RSPH14: variants seen among roughly 807,000 people sequenced by gnomAD.
RSPH14 encodes rhabdoid tumor deletion region gene 1.
Under a neutral mutation model 26.7 loss-of-function variants are expected in RSPH14, and 20 were observed. The observed-to-expected ratio is 0.75, with a 90% CI of 0.53 to 1.09. The LOEUF is 1.09. Among genes scored for constraint, RSPH14 ranks in the 50% least tolerant of loss-of-function variants. The probability of loss-of-function intolerance (pLI) is 0.00; values close to 1 mark genes in which losing one functional copy is unlikely to be tolerated. For missense variants in RSPH14, 449 were observed against 457.2 expected, an observed-to-expected ratio of 0.98 and a Z score of 0.16; for synonymous variants, 177 against 189.3, an observed-to-expected ratio of 0.93 and a Z score of 0.53.
At chr22:23,135,443 G>A (rs984191167) in intron 3 of RSPH14, among the ~76,000 whole-genome samples, 5 of 151,086 alleles carry the variant, frequency 3.3e-5, no homozygotes, top group East Asian at 1.9e-4. Flanking sequence ...AGTGAGCCAA[G>A]AACGCACAAC....
chr22:23,151,896 C>T, the RSPH14 span, among the ~76,000 whole-genome samples: 2 of 152,296 alleles, frequency 1.3e-5, no homozygotes, highest in South Asian at 4.1e-4. Flanking sequence ...TCGGGGTGTG[C>T]CCCTTGGCCT....
chr22:23,172,661 A>T, the RSPH14 span, among the ~76,000 whole-genome samples: 5 of 148,902 alleles, frequency 3.4e-5, no homozygotes, highest in South Asian at 1.1e-3. Flanking sequence ...TCAAAAAAAA[A>T]AAAAAAGACT....
intron 1 of RSPH14, among the ~76,000 whole-genome samples, chr22:23,141,471 T>C (rs1018820483): frequency 2.0e-5 from 3 of 152,138 alleles, no homozygotes; most frequent in Non-Finnish European, 4.4e-5. Flanking sequence ...ACTTCCTCTA[T>C]CTGTGTCTTT....
the RSPH14 span, among the ~76,000 whole-genome samples, chr22:23,165,640 A>G: frequency 2.2e-4 from 33 of 152,352 alleles, 1 homozygote; most frequent in East Asian, 6.0e-3. Context: ...GCTTAAAGCA[A>G]CAAGCATGTA....
chr22:23,105,952 C>T (rs1030888041), intron 4 of RSPH14, among the ~76,000 whole-genome samples: 1 of 152,102 alleles, frequency 6.6e-6, no homozygotes, highest in African/African-American at 2.4e-5. Flanking sequence ...TGAGGGTGCC[C>T]ACGGCCTCCC....
intron 4 of RSPH14, among the ~76,000 whole-genome samples, chr22:23,078,544 C>T (rs891175905): frequency 1.3e-5 from 2 of 152,352 alleles, no homozygotes; most frequent in East Asian, 3.9e-4. Flanking sequence ...GTTTGTCTTG[C>T]CACGCTGGCT....
chr22:23,080,172 GATTT>G (rs1166654667), intron 4 of RSPH14, among the ~76,000 whole-genome samples: 1 of 152,180 alleles, frequency 6.6e-6, no homozygotes, highest in Non-Finnish European at 1.5e-5. Context: ...TTTGCATATT[GATTT>G]ATTTATTTAC....
intron 6 of RSPH14, among the ~76,000 whole-genome samples, chr22:23,060,197 C>G (rs565574096): frequency 2.3e-4 from 35 of 152,072 alleles, no homozygotes; most frequent in Non-Finnish European, 4.7e-4. Context: ...CCCAGCTGGG[C>G]GCGGTGGCTC....
chr22:23,109,132 C>T (rs922473714), intron 4 of RSPH14, among the ~76,000 whole-genome samples: 3 of 152,120 alleles, frequency 2.0e-5, no homozygotes, highest in Admixed American at 6.5e-5. Context: ...CTATTGACCA[C>T]GTTTCTCTTG....
At chr22:23,086,853 C>T (rs2068833238) in intron 4 of RSPH14, among the ~76,000 whole-genome samples, 1 of 152,212 alleles carries the variant, frequency 6.6e-6, no homozygotes, top group Non-Finnish European at 1.5e-5. Flanking sequence ...ACAAAGGACA[C>T]CTGGCTCCTC....
chr22:23,143,292 A>AATAT (rs774620767), upstream of RSPH14, among the ~76,000 whole-genome samples: 3 of 141,850 alleles, frequency 2.1e-5, no homozygotes, highest in Non-Finnish European at 3.1e-5. Context: ...CCTCAACTCT[A>AATAT]AAATAAATAA....
intron 4 of RSPH14, chr22:23,124,199 T>TG (rs56132841): frequency 0.53 from 100,128 of 190,714 alleles, 28,047 homozygotes; most frequent in African/African-American, 0.62. Flanking sequence ...CATTTTTTTT[T>TG]TGTTTTGTTT....
chr22:23,134,175 G>A (rs1362967463), intron 3 of RSPH14, 31 bp from the exon 4 acceptor site: 24 of 1,521,318 alleles, frequency 1.6e-5, no homozygotes, highest in Non-Finnish European at 2.0e-5. Context: ...AGTGACATAA[G>A]TGAGACCATG....
At chr22:23,072,008 C>T (rs1009562315) in intron 4 of RSPH14, among the ~76,000 whole-genome samples, 10 of 152,246 alleles carry the variant, frequency 6.6e-5, no homozygotes, top group African/African-American at 2.4e-4. Context: ...GTGGAGACCA[C>T]GGCTTCCTCA....
the RSPH14 span, among the ~76,000 whole-genome samples, chr22:23,168,651 C>T: frequency 2.0e-5 from 3 of 152,216 alleles, no homozygotes; most frequent in South Asian, 2.1e-4. Context: ...GCAGCCAGGA[C>T]GTATGACTGT....
upstream of RSPH14, chr22:23,146,045 G>A (rs1428834338): frequency 1.0e-6 from 1 of 982,254 alleles, no homozygotes; most frequent in Non-Finnish European, 1.2e-6. Flanking sequence ...GCTCAGAGGG[G>A]AGCTCCTCCT....
intron 5 of RSPH14, among the ~76,000 whole-genome samples, chr22:23,062,939 C>A (rs924717184): frequency 5.3e-5 from 8 of 152,222 alleles, no homozygotes; most frequent in African/African-American, 1.9e-4. Flanking sequence ...CGCTGCAAAC[C>A]CTGGGTTTAG....
chr22:23,105,789 G>A (rs1312925022), intron 4 of RSPH14, among the ~76,000 whole-genome samples: 1 of 152,198 alleles, frequency 6.6e-6, no homozygotes, highest in Non-Finnish European at 1.5e-5. Context: ...AGGGGTGCAG[G>A]TTACTTAAAA....
upstream of RSPH14, chr22:23,145,957 A>G: frequency 1.0e-6 from 1 of 985,050 alleles, no homozygotes; most frequent in Non-Finnish European, 1.2e-6. Context: ...CGTCCTTTGC[A>G]GACTGGGAGC....
Sources: gnomAD v4.1 joint callset for allele counts (sites outside exome capture counted in the v4.1 genomes callset) on GRCh38, gnomAD v4.1.1 for gene constraint, MANE v1.5 for transcripts, NCBI Gene and HGNC (gene_info 2026-07-23, HGNC 2026-07-21) for gene names.